Variants in SCAPER observed in about 807,000 individuals in gnomAD.
SCAPER encodes the protein S phase cyclin A-associated protein in the endoplasmic reticulum.
Under a neutral mutation model 182.2 loss-of-function variants are expected in SCAPER, and 98 were observed. That is an observed-to-expected ratio of 0.54 (90% confidence interval 0.46 to 0.64). SCAPER has a LOEUF of 0.64. SCAPER is among the 30% of genes least tolerant of loss of function. The pLI, the probability that SCAPER is intolerant of heterozygous loss-of-function variation, is 0.00. For synonymous variants in SCAPER, 605 were observed against 564.6 expected (o/e 1.07, Z -1.01); for missense variants, 1,432 against 1,690.0 (o/e 0.85, Z 2.68).
At chr15:76,686,731 TC>T (rs1238919546) in intron 20 of SCAPER, among the ~76,000 whole-genome samples, 1 of 151,910 alleles carries the variant, frequency 6.6e-6, no homozygotes. Flanking sequence ...AAACTAAAGC[TC>T]TTCATAGTAA....
chr15:76,660,498 T>C (rs1003754908), intron 21 of SCAPER, among the ~76,000 whole-genome samples: 1 of 152,144 alleles, frequency 6.6e-6, no homozygotes, highest in Non-Finnish European at 1.5e-5. Context: ...GTATTTACAA[T>C]AGCAAAAACA....
chr15:76,742,466 T>TAAAAAAAAAAA (rs55751202), intron 15 of SCAPER, among the ~76,000 whole-genome samples: 8 of 37,052 alleles, frequency 2.2e-4, no homozygotes, highest in African/African-American at 7.0e-4. Context: ...TGTCTTTTCC[T>TAAAAAAAAAAA]AAAAAAAAAA....
chr15:76,837,812 A>G (rs916756508), intron 5 of SCAPER, among the ~76,000 whole-genome samples: 3 of 152,252 alleles, frequency 2.0e-5, no homozygotes, highest in Non-Finnish European at 2.9e-5. Flanking sequence ...AATGCTCAAC[A>G]TCACTAATCA....
chr15:76,771,112 G>A (rs2063442904), intron 10 of SCAPER, among the ~76,000 whole-genome samples: 1 of 151,994 alleles, frequency 6.6e-6, no homozygotes, highest in African/African-American at 2.4e-5. Flanking sequence ...CTTTTTATAT[G>A]TGCCTATTTC....
chr15:76,780,391 G>C (rs183465573), intron 8 of SCAPER, among the ~76,000 whole-genome samples: 44 of 152,362 alleles, frequency 2.9e-4, no homozygotes, highest in African/African-American at 7.9e-4. Flanking sequence ...GAACCAGGTG[G>C]AGACCACAGC....
intron 21 of SCAPER, among the ~76,000 whole-genome samples, chr15:76,653,338 C>T (rs1597953207): frequency 6.6e-6 from 1 of 152,170 alleles, no homozygotes; most frequent in East Asian, 1.9e-4. Flanking sequence ...CTGCCAATGT[C>T]ATTCTTCACA....
chr15:76,520,580 T>C (rs1203444539), intron 23 of SCAPER, among the ~76,000 whole-genome samples: 1 of 152,034 alleles, frequency 6.6e-6, no homozygotes, highest in Non-Finnish European at 1.5e-5. Context: ...TCACTAACAT[T>C]TGTTGTACTC....
At position 76,743,125 on chromosome 15, in the gene SCAPER, AC is replaced by A. The variant is rs1219377276; in HGVS notation, c.1867-9742del. On this transcript the variant is annotated intron_variant, in intron 15 of 31. Coordinates refer to ENST00000563290, the MANE Select transcript of SCAPER (RefSeq NM_020843.4). The stretch of plus-strand genomic sequence containing the variant: ...AAATAATACCTAAGGATATTCAGCT[AC>A]TAAGTGGTGGAGTCAGAACCGAAGT... Among the ~76,000 whole-genome samples, 3 of 152,294 alleles carry A rather than the reference AC, an allele frequency of 2.0e-5. No individual in the cohort carries two copies. In the East Asian group the frequency reaches 5.8e-4, roughly 29 times the overall value.
At chr15:76,377,670 C>G (rs1175855739) in intron 28 of SCAPER, among the ~76,000 whole-genome samples, 1 of 152,198 alleles carries the variant, frequency 6.6e-6, no homozygotes, top group African/African-American at 2.4e-5. Context: ...AGAGTGAAAT[C>G]AGACTCTTTG....
rs1254341059 is a variant in SCAPER, at chr15:76,549,173, C to A, written c.2838+24985G>T. Among the ~76,000 whole-genome samples the A allele has an allele frequency of 3.0e-4, 45 of 151,756 alleles. 1 individual carries two copies. Among genetic ancestry groups the A allele is most frequent in the Non-Finnish European group, 3.0e-5 (2 of 67,784 alleles). ...CACTCCTCAAAAGAAGACATTGATGCAAAACCATTGTGGAAGTCAGTGTGG... is the reference window on the plus strand; with the variant it reads ...CACTCCTCAAAAGAAGACATTGATGAAAAACCATTGTGGAAGTCAGTGTGG... On this transcript the variant is annotated intron_variant, in intron 23 of 31. Coordinates refer to ENST00000563290, the MANE Select transcript of SCAPER (RefSeq NM_020843.4).
At chr15:76,842,974 CTTCCTT>C (rs2069625911) in intron 4 of SCAPER, among the ~76,000 whole-genome samples, 1 of 152,154 alleles carries the variant, frequency 6.6e-6, no homozygotes, top group Non-Finnish European at 1.5e-5. Context: ...CTGAATTATA[CTTCCTT>C]CCCAAAGTTT....
rs1359296595 is a variant in SCAPER at position 76,592,633 on chromosome 15, C to A, written c.2712-18349G>T. Among the ~76,000 whole-genome samples the A allele has an allele frequency of 2.4e-5, 3 of 122,800 alleles. 1 individual carries two copies. The highest frequency in any genetic ancestry group is 7.5e-5 in the African/African-American group (3 of 40,048). 80.6% of individuals were successfully genotyped at this position (122,800 alleles called of 152,430 possible). A position where few individuals can be genotyped will look rare whatever the true frequency, so the allele number is the denominator to read the frequency against. ...CAACTGAGGTACCTGGCTCATCTCACTGGGACTGGTTAGACAGTGGGCGCA... is the reference window on the plus strand; with the variant it reads ...CAACTGAGGTACCTGGCTCATCTCAATGGGACTGGTTAGACAGTGGGCGCA... On this transcript the variant is annotated intron_variant, in intron 22 of 31. Coordinates refer to ENST00000563290, the MANE Select transcript of SCAPER (RefSeq NM_020843.4).
At chr15:76,641,359 T>C (rs1199067149) in intron 21 of SCAPER, among the ~76,000 whole-genome samples, 1 of 152,174 alleles carries the variant, frequency 6.6e-6, no homozygotes, top group Non-Finnish European at 1.5e-5. Context: ...TCTCACCTCA[T>C]AATCAAATGA....
chr15:76,830,244 G>A (rs2068348061), intron 5 of SCAPER, among the ~76,000 whole-genome samples: 1 of 152,154 alleles, frequency 6.6e-6, no homozygotes, highest in Admixed American at 6.5e-5. Flanking sequence ...GGTGTGAAAT[G>A]AAGAATTCAT....
At chr15:76,787,674 C>T (rs954268905) in intron 8 of SCAPER, among the ~76,000 whole-genome samples, 12 of 152,058 alleles carry the variant, frequency 7.9e-5, no homozygotes, top group South Asian at 2.1e-4. Flanking sequence ...AGGCAAAAAA[C>T]GAACCTTCAC....
At chr15:76,647,025 G>A (rs1273657385) in intron 21 of SCAPER, among the ~76,000 whole-genome samples, 1 of 152,092 alleles carries the variant, frequency 6.6e-6, no homozygotes, top group Non-Finnish European at 1.5e-5. Flanking sequence ...CTTCTTAAAA[G>A]GCCAAAGAAA....
chr15:76,803,940 G>A (rs1296422971), intron 6 of SCAPER, among the ~76,000 whole-genome samples: 3 of 152,112 alleles, frequency 2.0e-5, no homozygotes, highest in Non-Finnish European at 4.4e-5. Flanking sequence ...GATACTCTGT[G>A]GTGATTCCAA....
chr15:76,629,168 TG>T (rs2052863420), intron 21 of SCAPER, among the ~76,000 whole-genome samples: 1 of 152,220 alleles, frequency 6.6e-6, no homozygotes. Flanking sequence ...GCTGAGACAA[TG>T]GGGTTTTCTA....
intron 5 of SCAPER, among the ~76,000 whole-genome samples, chr15:76,836,393 G>C (rs1159300572): frequency 6.6e-6 from 1 of 152,024 alleles, no homozygotes; most frequent in East Asian, 1.9e-4. Flanking sequence ...ACTAGTTAGG[G>C]AACCCAGAAA....
Sources: gnomAD v4.1 joint callset for allele counts (sites outside exome capture counted in the v4.1 genomes callset) on GRCh38, gnomAD v4.1.1 for gene constraint, MANE v1.5 for transcripts, NCBI Gene and HGNC (gene_info 2026-07-23, HGNC 2026-07-21) for gene names.